Variants in CUX1 observed in about 807,000 individuals in gnomAD.
CUX1 encodes the protein protein CASP.
In CUX1, 31 loss-of-function variants were observed where a neutral mutation model predicts 158.8. That is an observed-to-expected ratio of 0.20 (90% CI 0.15 to 0.26). The LOEUF (loss-of-function observed/expected upper bound fraction) is 0.26. Among genes scored for constraint, CUX1 ranks in the 10% least tolerant of loss-of-function variants. The pLI is 1.00. For missense variants in CUX1, 1,589 were observed against 2,014.6 expected, an observed-to-expected ratio of 0.79 and a Z score of 4.04; for synonymous variants, 879 against 862.1, an observed-to-expected ratio of 1.02 and a Z score of -0.34.
chr7:102,069,171 G>A (rs569135804), intron 3 of CUX1, among the ~76,000 whole-genome samples: 3 of 152,208 alleles, frequency 2.0e-5, no homozygotes, highest in East Asian at 1.9e-4. Flanking sequence ...AGTGACGTCC[G>A]AGGGTTCTCT....
chr7:101,969,558 T>C (rs968559780), intron 2 of CUX1, among the ~76,000 whole-genome samples: 1 of 152,094 alleles, frequency 6.6e-6, no homozygotes, highest in African/African-American at 2.4e-5. Flanking sequence ...AGCCCTGCAC[T>C]TTCAGCCTTT....
chr7:101,933,886 T>C (rs1195710368), intron 2 of CUX1, among the ~76,000 whole-genome samples: 1 of 152,224 alleles, frequency 6.6e-6, no homozygotes, highest in Middle Eastern at 3.4e-3. Context: ...TCCTTTGAAA[T>C]GATGAAAAAA....
intron 8 of CUX1, among the ~76,000 whole-genome samples, chr7:102,145,086 TAAAAAAAA>T (rs59225537): frequency 1.7e-5 from 2 of 118,786 alleles, no homozygotes; most frequent in Non-Finnish European, 3.4e-5. Context: ...GACTCCGTCT[TAAAAAAAA>T]AAAAAAAAAA....
At chr7:102,034,613 C>T (rs1821196843) in intron 3 of CUX1, among the ~76,000 whole-genome samples, 1 of 151,932 alleles carries the variant, frequency 6.6e-6, no homozygotes, top group Non-Finnish European at 1.5e-5. Flanking sequence ...ATTAGCTGGA[C>T]GTGGTGGCAT....
intron 8 of CUX1, among the ~76,000 whole-genome samples, chr7:102,121,415 G>A (rs1233953347): frequency 6.7e-6 from 1 of 149,510 alleles, no homozygotes; most frequent in Admixed American, 6.8e-5. Flanking sequence ...GCACGATCTT[G>A]GCTCACGGCA....
intron 1 of CUX1, among the ~76,000 whole-genome samples, chr7:101,857,860 C>A (rs562633592): frequency 6.6e-6 from 1 of 152,214 alleles, no homozygotes; most frequent in African/African-American, 2.4e-5. Context: ...TGGTGGCTCA[C>A]GCCTGTAATC....
chr7:102,216,307 C>G (rs2132204575), intron 20 of CUX1, among the ~76,000 whole-genome samples: 1 of 152,136 alleles, frequency 6.6e-6, no homozygotes, highest in South Asian at 2.1e-4. Context: ...AGCAGAGCAA[C>G]ACCCCATCTC....
rs201446 is a variant in CUX1 at position 102,095,043 on chromosome 7, C to A, written c.269-2321C>A. ...AAGACAGGATTTCGCTCTGTTGCCC[C>A]GGCTGGAGTGCAGTGGCTCAATCAC... On this transcript the variant is annotated intron_variant, in intron 4 of 23. Coordinates refer to ENST00000292535, the MANE Select transcript of CUX1 (RefSeq NM_181552.4). 1.6e-3 allele frequency among the ~76,000 whole-genome samples: 240 copies of A among 151,634 alleles called. 1 individual carries two copies. The highest frequency in any genetic ancestry group is 5.2e-3 in the African/African-American group (213 of 41,356).
chr7:102,148,568 A>G (rs1467606133), intron 8 of CUX1, among the ~76,000 whole-genome samples: 1 of 151,744 alleles, frequency 6.6e-6, no homozygotes, highest in Non-Finnish European at 1.5e-5. Flanking sequence ...AAAAAACAAA[A>G]AACAAAGAAA....
chr7:102,235,701 CAA>C (rs781946936), intron 22 of CUX1, among the ~76,000 whole-genome samples: 15 of 88,634 alleles, frequency 1.7e-4, no homozygotes, highest in Admixed American at 2.5e-4. Context: ...GACCCCATCT[CAA>C]AAAAAAAAAA....
chr7:101,957,412 C>T (rs953953838), intron 2 of CUX1, among the ~76,000 whole-genome samples: 2 of 152,120 alleles, frequency 1.3e-5, no homozygotes, highest in African/African-American at 4.8e-5. Flanking sequence ...TGCAGATTTT[C>T]TCCATAGAGA....
At chr7:101,961,936 A>T (rs1810552417) in intron 2 of CUX1, 1 of 152,146 alleles carries the variant, frequency 6.6e-6, no homozygotes, top group African/African-American at 2.4e-5. Context: ...TTAAGCAAAA[A>T]GAAAGCAACT....
Position 102,132,963 on chromosome 7 carries a change from AC to A in CUX1, c.674+17693del, listed in dbSNP as rs556048608. 3.0e-4 allele frequency among the ~76,000 whole-genome samples: 46 copies of A among 151,696 alleles called. 1 individual carries two copies. The South Asian group carries it at 9.4e-3, about 31-fold the overall frequency. The stretch of plus-strand genomic sequence containing the variant: ...TGGGATTACAGGCGTGAGCCACCGC[AC>A]CCGGCCTTAATTTGTTTTTCGTCTC... On this transcript the variant is annotated intron_variant, in intron 8 of 23. Transcript: ENST00000292535.
At chr7:102,094,852 G>T (rs531063916) in intron 4 of CUX1, among the ~76,000 whole-genome samples, 1 of 152,200 alleles carries the variant, frequency 6.6e-6, no homozygotes, top group Non-Finnish European at 1.5e-5. Context: ...GGTCGTGAAG[G>T]TGGGGAAGAG....
At chr7:102,015,707 C>G (rs766669197) in intron 2 of CUX1, among the ~76,000 whole-genome samples, 1 of 152,142 alleles carries the variant, frequency 6.6e-6, no homozygotes, top group Non-Finnish European at 1.5e-5. Context: ...TATAAAAGTT[C>G]GTGGCTCCTT....
rs539420607 is a variant in CUX1 at position 101,869,546 on chromosome 7, C to T, written c.31-46569C>T. Among the ~76,000 whole-genome samples the T allele has an allele frequency of 1.6e-4, 23 of 145,950 alleles. No individual in the cohort carries two copies. Among genetic ancestry groups the T allele is most frequent in the African/African-American group, 5.6e-4 (22 of 39,454 alleles). On this transcript the variant is annotated intron_variant, in intron 1 of 23. Transcript: ENST00000292535. This position sits in a 1 kb window ranked among gnomAD's most constrained non-coding sequence, Gnocchi z 4.5. ...TGGGGTGAGCACAGCATTTGCGGGG[C>T]GCGGGAAGGGAGTGGCTGGTGGGGC...
At chr7:102,262,262 G>T (rs146418018), downstream of CUX1, among the ~76,000 whole-genome samples, 1,616 of 152,294 alleles carry the variant, frequency 0.011, 13 homozygotes, top group Middle Eastern at 0.017. Context: ...AAATTAGCCA[G>T]GCGTGGTGGC....
At chr7:102,119,312 C>A (rs1236631629) in intron 8 of CUX1, among the ~76,000 whole-genome samples, 2 of 152,182 alleles carry the variant, frequency 1.3e-5, no homozygotes, top group African/African-American at 4.8e-5. Context: ...GAGAAGCCCG[C>A]AGGTCTGTGG....
intron 11 of CUX1, 43 bp from the exon 12 acceptor site, chr7:102,189,768 CTG>C: frequency 6.2e-7 from 1 of 1,605,326 alleles, no homozygotes; most frequent in East Asian, 2.2e-5. Context: ...GTCCGTCGAC[CTG>C]TTGTCAGGCA....
Sources: gnomAD v4.1 joint callset for allele counts (sites outside exome capture counted in the v4.1 genomes callset) on GRCh38, gnomAD v4.1.1 for gene constraint, Gnocchi (gnomAD v3.1) non-coding constraint, MANE v1.5 for transcripts, NCBI Gene and HGNC (gene_info 2026-07-23, HGNC 2026-07-21) for gene names.